CCDC15: variants seen among roughly 807,000 people sequenced by gnomAD.
The protein encoded by CCDC15 is coiled-coil domain-containing protein 15.
Under a neutral mutation model 114.5 loss-of-function variants are expected in CCDC15, and 105 were observed. That is an observed-to-expected ratio of 0.92 (90% CI 0.78 to 1.08). CCDC15 has a LOEUF of 1.08. CCDC15 is among the 50% of genes least tolerant of loss of function. CCDC15 has a pLI of 0.00. For missense variants in CCDC15, 1,105 were observed against 1,093.6 expected, an observed-to-expected ratio of 1.01 and a Z score of -0.15; for synonymous variants, 334 against 377.8, an observed-to-expected ratio of 0.88 and a Z score of 1.34.
intron 12 of CCDC15, among the ~76,000 whole-genome samples, chr11:125,004,827 C>T (rs1418742453): frequency 1.3e-5 from 2 of 152,044 alleles, no homozygotes; most frequent in African/African-American, 2.4e-5. Context: ...GTACTTACTA[C>T]TTGGGAACAC....
At chr11:124,999,799 T>G (rs2135507837) in intron 11 of CCDC15, among the ~76,000 whole-genome samples, 1 of 151,730 alleles carries the variant, frequency 6.6e-6, no homozygotes, top group South Asian at 2.1e-4. Flanking sequence ...CCCTCAGAAT[T>G]GGTCACATCT....
chr11:124,987,798 A>G lies in CCDC15; in HGVS notation c.1572A>G (p.Leu524=). The G allele has an allele frequency of 6.2e-7, 1 of 1,605,168 alleles. No homozygotes were observed. Among genetic ancestry groups the G allele is most frequent in the Non-Finnish European group, 8.5e-7 (1 of 1,173,632 alleles). The part of the protein sequence containing the change: ...QHVLPKDQNI[L]PKYQGQDFLP... ...TTCTCCCCAAAGACCAGAATATTCTACCTAAATATCAAGGCCAGGATTTTC... is the reference window on the plus strand; with the variant it reads ...TTCTCCCCAAAGACCAGAATATTCTGCCTAAATATCAAGGCCAGGATTTTC... Residue 524 remains leucine, a synonymous_variant, in exon 8 of 16, where the codon CTA becomes CTG. Coordinates refer to ENST00000344762, the MANE Select transcript of CCDC15 (RefSeq NM_025004.3).
chr11:125,016,494 A>G (rs1948630201), intron 13 of CCDC15, among the ~76,000 whole-genome samples: 1 of 152,160 alleles, frequency 6.6e-6, no homozygotes, highest in South Asian at 2.1e-4. Context: ...AATGTTCTTT[A>G]GAGCTCTAGT....
intron 2 of CCDC15, among the ~76,000 whole-genome samples, chr11:124,955,836 A>G (rs1421863313): frequency 1.3e-5 from 2 of 152,116 alleles, no homozygotes; most frequent in Non-Finnish European, 2.9e-5. Context: ...TACCCTGCCT[A>G]TTTCCAAAAA....
At chr11:125,002,339 T>G (rs1357220612) in intron 11 of CCDC15, among the ~76,000 whole-genome samples, 1 of 152,184 alleles carries the variant, frequency 6.6e-6, no homozygotes, top group Non-Finnish European at 1.5e-5. Context: ...TGTTTTTCTG[T>G]TCTGTGGGTT....
Position 124,954,771 on chromosome 11 carries a change from C to A in CCDC15, c.39C>A (p.Thr13=). Residue 13 remains threonine, a synonymous_variant, in exon 2 of 16, where the codon ACC becomes ACA. Coordinates refer to ENST00000344762, the MANE Select transcript of CCDC15 (RefSeq NM_025004.3). ...TGGCCCGAAAGAAACCTCGAAATAC[C>A]TCAAGGTTGCCCCTGGCTTTAAACC... ...GSMARKKPRN[T]SRLPLALNPL... is the part of the protein sequence containing the mutation. The A allele has an allele frequency of 6.2e-7, 1 of 1,613,926 alleles. No individual in the cohort carries two copies.
chr11:125,003,369 T>C lies in CCDC15; in HGVS notation c.2215-498T>C, dbSNP rs545390507. ...ATGTCCAAGTAGATATACCAAGTTA[T>C]GTTATAAGGCTTTCCCAGTAAACAT... is the stretch of plus-strand genomic sequence containing the variant. On this transcript the variant is annotated intron_variant, in intron 11 of 15. Coordinates refer to ENST00000344762, the MANE Select transcript of CCDC15 (RefSeq NM_025004.3). Among the ~76,000 whole-genome samples, 19 of 152,104 alleles carry C rather than the reference T, an allele frequency of 1.2e-4. 1 individual carries two copies. In the South Asian group the frequency reaches 3.3e-3, roughly 27 times the overall value.
rs748121330 is a variant in CCDC15, at chr11:124,987,306, C to T, written c.1080C>T (p.Thr360=). Residue 360 remains threonine, a synonymous_variant, in exon 8 of 16, where the codon ACC becomes ACT. Coordinates refer to ENST00000344762, the MANE Select transcript of CCDC15 (RefSeq NM_025004.3). The part of the protein sequence containing the change: ...LTGIQSVKPD[T]QAVEMKVQVT... Reference sequence around the variant, plus strand: ...GAATCCAGAGTGTTAAGCCAGATACCCAGGCTGTTGAAATGAAGGTTCAGG... The same window carrying T: ...GAATCCAGAGTGTTAAGCCAGATACTCAGGCTGTTGAAATGAAGGTTCAGG... 36 of 1,612,158 alleles carry T rather than the reference C, an allele frequency of 2.2e-5. No individual in the cohort carries two copies. The highest frequency in any genetic ancestry group is 2.8e-5 in the Non-Finnish European group (33 of 1,179,270).
intron 11 of CCDC15, among the ~76,000 whole-genome samples, chr11:124,997,684 A>T (rs1948398178): frequency 2.0e-5 from 3 of 152,184 alleles, no homozygotes; most frequent in Admixed American, 2.0e-4. Flanking sequence ...GCTCATGCCT[A>T]TAATCCCAGC....
At chr11:124,993,807 TTATTAA>T (rs1242465611) in intron 11 of CCDC15, among the ~76,000 whole-genome samples, 1 of 152,188 alleles carries the variant, frequency 6.6e-6, no homozygotes, top group Non-Finnish European at 1.5e-5. Context: ...AGCAATAGTG[TTATTAA>T]TATTATTATG....
At chr11:125,030,189 G>T (rs1948728573) in intron 13 of CCDC15, among the ~76,000 whole-genome samples, 1 of 152,168 alleles carries the variant, frequency 6.6e-6, no homozygotes. Context: ...CTGGACTTGT[G>T]AATCCTGGCT....
Position 125,039,055 on chromosome 11 carries a change from A to ATAAAAACC in CCDC15, c.2721_2728dup (p.His910LeufsTer42), listed in dbSNP as rs781327092. 5 of 1,597,434 alleles carry ATAAAAACC rather than the reference A, an allele frequency of 3.1e-6. No individual in the cohort carries two copies. The South Asian group carries it at 5.6e-5, about 18-fold the overall frequency. On this transcript the variant is annotated frameshift_variant, in exon 15 of 16. Transcript: ENST00000344762. LOFTEE classifies it high-confidence loss of function. ...ACCTGTGCCAACAACTGTATTTTCT[A>ATAAAAACC]TAAAAACCACAGAGGTAAGTTTCTT...
intron 13 of CCDC15, among the ~76,000 whole-genome samples, chr11:125,033,307 C>T (rs550838282): frequency 1.2e-4 from 18 of 152,314 alleles, no homozygotes; most frequent in Middle Eastern, 3.4e-3. Context: ...ATAAGTCAAA[C>T]GATTCTGATT....
At chr11:125,029,473 G>C (rs553560461) in intron 13 of CCDC15, among the ~76,000 whole-genome samples, 1 of 152,300 alleles carries the variant, frequency 6.6e-6, no homozygotes, top group African/African-American at 2.4e-5. Flanking sequence ...ATACTTAAAT[G>C]CTGATGTGAA....
intron 4 of CCDC15, among the ~76,000 whole-genome samples, chr11:124,964,123 G>T (rs1037850604): frequency 6.6e-6 from 1 of 152,062 alleles, no homozygotes; most frequent in African/African-American, 2.4e-5. Flanking sequence ...GTGGCAATGC[G>T]GGCTCTTTTT....
At chr11:124,974,535 T>G (rs1316203438) in intron 4 of CCDC15, among the ~76,000 whole-genome samples, 1 of 152,154 alleles carries the variant, frequency 6.6e-6, no homozygotes, top group Non-Finnish European at 1.5e-5. Context: ...TCTAAGTTAA[T>G]TTAGGAAGGC....
Position 124,986,700 on chromosome 11 carries a change from T to TGTGTGTGTGCGCGC in CCDC15, c.754-41_754-40insTGTGTGTGCGCGCG, listed in dbSNP as rs878887902. On this transcript the variant is annotated intron_variant, in intron 6 of 15. Coordinates refer to ENST00000344762, the MANE Select transcript of CCDC15 (RefSeq NM_025004.3). ...GTGTGTGTGTGTGTGTTTGTGTGTG[T>TGTGTGTGTGCGCGC]GCGCGCGCGCGCGTGCGCGTTTTCA... 4.6e-4 allele frequency: 617 copies of TGTGTGTGTGCGCGC among 1,352,890 alleles called. 2 individuals carry two copies. In the African/African-American group the frequency reaches 6.9e-3, roughly 15 times the overall value. 83.8% of individuals were successfully genotyped at this position (1,352,890 alleles called of 1,614,324 possible).
intron 6 of CCDC15, 42 bp from the exon 7 acceptor site, chr11:124,986,700 T>TGCGCGCGCGCGCGCGC (rs1555068495): frequency 7.7e-7 from 1 of 1,298,020 alleles, no homozygotes; most frequent in African/African-American, 1.7e-5. Context: ...TTTGTGTGTG[T>TGCGCGCGCGCGCGCGC]GCGCGCGCGC....
chr11:124,968,977 T>G (rs1947833547), intron 4 of CCDC15, among the ~76,000 whole-genome samples: 1 of 152,198 alleles, frequency 6.6e-6, no homozygotes, highest in African/African-American at 2.4e-5. Context: ...CTTTTATCCA[T>G]TGGTCTTAAT....
Sources: gnomAD v4.1 joint callset for allele counts (sites outside exome capture counted in the v4.1 genomes callset) on GRCh38, gnomAD v4.1.1 for gene constraint, MANE v1.5 for transcripts, NCBI Gene and HGNC (gene_info 2026-07-23, HGNC 2026-07-21) for gene names.